ESRRG: variants seen among roughly 807,000 people sequenced by gnomAD.
ESRRG encodes estrogen-related receptor gamma.
Under a neutral mutation model 44.0 loss-of-function variants are expected in ESRRG, and 13 were observed. That is an observed-to-expected ratio of 0.30 (90% CI 0.19 to 0.47). The LOEUF is 0.47. Among genes scored for constraint, ESRRG ranks in the 20% least tolerant of loss-of-function variants. The pLI, the probability that ESRRG is intolerant of heterozygous loss-of-function variation, is 1.00. For missense variants in ESRRG, 395 were observed against 580.6 expected (o/e 0.68, Z 3.29); for synonymous variants, 215 against 214.6 (o/e 1.00, Z -0.02).
chr1:216,531,329 C>T (rs1405718302), intron 5 of ESRRG, among the ~76,000 whole-genome samples: 1 of 152,086 alleles, frequency 6.6e-6, no homozygotes, highest in African/African-American at 2.4e-5. Flanking sequence ...TAAAGTCAGG[C>T]TCCCACACTG....
intron 3 of ESRRG, among the ~76,000 whole-genome samples, chr1:216,616,085 A>G (rs1405062447): frequency 6.6e-6 from 1 of 152,106 alleles, no homozygotes; most frequent in Non-Finnish European, 1.5e-5. Context: ...CTCACCCCAT[A>G]TAAGAAGGCT....
intron 1 of ESRRG, among the ~76,000 whole-genome samples, chr1:217,077,109 T>C (rs2091372061): frequency 6.6e-6 from 1 of 152,238 alleles, no homozygotes; most frequent in African/African-American, 2.4e-5. Flanking sequence ...CTCTCCTGGC[T>C]CATTTGTATT....
At chr1:216,571,015 C>T (rs2060682509) in intron 3 of ESRRG, among the ~76,000 whole-genome samples, 1 of 152,166 alleles carries the variant, frequency 6.6e-6, no homozygotes, top group East Asian at 1.9e-4. Flanking sequence ...AGCTGAGTGA[C>T]TTGATTTAAG....
At chr1:216,625,751 A>G (rs996786476) in intron 3 of ESRRG, among the ~76,000 whole-genome samples, 1 of 152,204 alleles carries the variant, frequency 6.6e-6, no homozygotes, top group Non-Finnish European at 1.5e-5. Context: ...CAGTTGTTAT[A>G]AGAATCAAAT....
intron 5 of ESRRG, 46 bp downstream of exon 5, chr1:216,564,173 A>G: frequency 7.9e-7 from 1 of 1,264,054 alleles, no homozygotes; most frequent in Non-Finnish European, 1.1e-6. Flanking sequence ...TAACCTAGGG[A>G]ATTAATTGCA....
intron 1 of ESRRG, among the ~76,000 whole-genome samples, chr1:217,085,472 T>G (rs1186527513): frequency 1.4e-5 from 2 of 145,912 alleles, no homozygotes; most frequent in Non-Finnish European, 3.0e-5. Flanking sequence ...TTCTTTTTCT[T>G]TTCTTTTCAT....
chr1:216,675,267 A>G (rs1392675593), intron 2 of ESRRG, among the ~76,000 whole-genome samples: 1 of 151,934 alleles, frequency 6.6e-6, no homozygotes, highest in Non-Finnish European at 1.5e-5. Context: ...AGCTGAGGCA[A>G]GAGAATCACT....
chr1:216,984,150 T>A (rs1252413929), intron 1 of ESRRG, among the ~76,000 whole-genome samples: 2 of 152,108 alleles, frequency 1.3e-5, no homozygotes, highest in Non-Finnish European at 2.9e-5. Context: ...TGTGCTTTGT[T>A]TCTTGAAACA....
intron 2 of ESRRG, among the ~76,000 whole-genome samples, chr1:216,821,820 A>G (rs12733125): frequency 1.3e-5 from 2 of 150,228 alleles, no homozygotes; most frequent in Admixed American, 6.7e-5. Flanking sequence ...CCTAATGCCT[A>G]TCTCACTTGT....
chr1:216,561,151 T>G (rs1188481203), intron 5 of ESRRG, among the ~76,000 whole-genome samples: 1 of 152,172 alleles, frequency 6.6e-6, no homozygotes, highest in East Asian at 1.9e-4. Flanking sequence ...AAAAACCTAT[T>G]CCATATGTAT....
At chr1:217,095,054 A>G (rs1243268653) in intron 1 of ESRRG, among the ~76,000 whole-genome samples, 3 of 151,992 alleles carry the variant, frequency 2.0e-5, no homozygotes, top group Non-Finnish European at 4.4e-5. Context: ...ATGTGTGTGT[A>G]TTGTTCTCAA....
intron 1 of ESRRG, among the ~76,000 whole-genome samples, chr1:217,115,772 G>A (rs1057334209): frequency 6.6e-6 from 1 of 151,970 alleles, no homozygotes; most frequent in African/African-American, 2.4e-5. Context: ...TTCATTATCT[G>A]AGGATATATG....
intron 2 of ESRRG, among the ~76,000 whole-genome samples, chr1:216,767,970 C>A (rs2093168990): frequency 1.3e-5 from 2 of 152,090 alleles, no homozygotes; most frequent in South Asian, 4.1e-4. Flanking sequence ...GAAAAGTCAA[C>A]AAATTCTTTG....
At chr1:216,632,952 T>C (rs1421317614) in intron 3 of ESRRG, among the ~76,000 whole-genome samples, 3 of 152,184 alleles carry the variant, frequency 2.0e-5, no homozygotes, top group African/African-American at 7.2e-5. Context: ...ATGTTTAAAC[T>C]ATTGGTTCAT....
chr1:216,519,257 G>C lies in ESRRG; in HGVS notation c.1027C>G (p.Leu343Val). Residue 343 changes from leucine (L) to valine (V), a missense_variant, in exon 6 of 7, where the codon CTT (leucine) becomes GTT (valine). Transcript: ENST00000408911. Reference protein sequence around the residue: ...DEDQSKLAGLLDLNNAILQLV... With the variant: ...DEDQSKLAGLVDLNNAILQLV... ...TGCAGGATAGCATTATTTAGATCAA[G>C]AAGGCCTGCTAATTTGGACTGGTCT... is the stretch of plus-strand genomic sequence containing the variant. The C allele has an allele frequency of 6.2e-7, 1 of 1,613,804 alleles. No homozygotes were observed. The highest frequency in any genetic ancestry group is 1.3e-5 in the African/African-American group (1 of 75,018).
intron 1 of ESRRG, among the ~76,000 whole-genome samples, chr1:216,967,334 T>A (rs755651955): frequency 1.3e-5 from 2 of 152,140 alleles, no homozygotes; most frequent in Non-Finnish European, 2.9e-5. Context: ...CCTATTATTA[T>A]AATATCATAC....
chr1:217,109,356 A>G (rs940558150), intron 1 of ESRRG, among the ~76,000 whole-genome samples: 6 of 152,138 alleles, frequency 3.9e-5, no homozygotes, highest in African/African-American at 1.2e-4. Context: ...ACTCTTTTCT[A>G]TATACTTTTT....
chr1:216,535,282 A>G (rs566543910), intron 5 of ESRRG, among the ~76,000 whole-genome samples: 33 of 152,228 alleles, frequency 2.2e-4, no homozygotes, highest in African/African-American at 5.3e-4. Flanking sequence ...TAAGGTTGCT[A>G]GACTGGATGA....
At chr1:216,650,862 G>A in intron 3 of ESRRG, 111 bp downstream of exon 3, 1 of 733,100 alleles carries the variant, frequency 1.4e-6, no homozygotes, top group Admixed American at 1.9e-5. Flanking sequence ...CAGAGTCAGG[G>A]TACTTACTGT....
Sources: gnomAD v4.1 joint callset for allele counts (sites outside exome capture counted in the v4.1 genomes callset) on GRCh38, gnomAD v4.1.1 for gene constraint, MANE v1.5 for transcripts, NCBI Gene and HGNC (gene_info 2026-07-23, HGNC 2026-07-21) for gene names.